Variants in UCK2 observed in about 807,000 individuals in gnomAD.
UCK2 encodes uridine-cytidine kinase 2.
Under a neutral mutation model 30.8 loss-of-function variants are expected in UCK2, and 6 were observed. The ratio of observed to expected loss-of-function variants is 0.19; its 90% CI spans 0.11 to 0.38. The LOEUF is 0.38. Ranked by LOEUF, UCK2 falls within the 10% of genes least tolerant of loss-of-function variation. The pLI, the probability that UCK2 is intolerant of heterozygous loss-of-function variation, is 1.00. For missense variants in UCK2, 210 were observed against 339.8 expected (o/e 0.62, Z 3.00); for synonymous variants, 125 against 133.6 (o/e 0.94, Z 0.45).
intron 1 of UCK2, among the ~76,000 whole-genome samples, chr1:165,878,238 A>G (rs1290773670): frequency 1.3e-5 from 2 of 151,958 alleles, no homozygotes. Context: ...GAAATCATAC[A>G]TTATGTGACC....
intron 1 of UCK2, among the ~76,000 whole-genome samples, chr1:165,868,521 AT>A (rs1271238250): frequency 6.6e-6 from 1 of 152,238 alleles, no homozygotes; most frequent in Admixed American, 6.5e-5. Context: ...CAGCTTCTAC[AT>A]CAGCACTTGC....
At chr1:165,853,175 C>CAAA (rs1373354419) in intron 1 of UCK2, among the ~76,000 whole-genome samples, 1 of 152,154 alleles carries the variant, frequency 6.6e-6, no homozygotes, top group Non-Finnish European at 1.5e-5. Flanking sequence ...AGAGGCCCCA[C>CAAA]AAAGAGCTGA....
chr1:165,884,824 C>T (rs764602774), intron 1 of UCK2, among the ~76,000 whole-genome samples: 2 of 152,188 alleles, frequency 1.3e-5, no homozygotes, highest in Admixed American at 6.5e-5. Context: ...AACTGCCAGC[C>T]GAAGGGGCCT....
At chr1:165,828,107 G>A (rs1255576026) in intron 1 of UCK2, among the ~76,000 whole-genome samples, 175 bp downstream of exon 1, 1 of 151,066 alleles carries the variant, frequency 6.6e-6, no homozygotes, top group African/African-American at 2.4e-5. Flanking sequence ...GCGCTGCGGC[G>A]GGGGCAGGCG....
intron 2 of UCK2, 52 bp downstream of exon 2, chr1:165,890,415 A>G (rs1333054180): frequency 1.3e-6 from 2 of 1,576,708 alleles, no homozygotes; most frequent in Non-Finnish European, 1.7e-6. Flanking sequence ...GTTGGGGGGA[A>G]TAGTTTTATT....
intron 1 of UCK2, among the ~76,000 whole-genome samples, chr1:165,868,497 T>G (rs1655108520): frequency 6.6e-6 from 1 of 152,258 alleles, no homozygotes; most frequent in Non-Finnish European, 1.5e-5. Context: ...CTAGATCTTC[T>G]GGATAACTTG....
At chr1:165,906,621 G>A (rs1647670118) in intron 6 of UCK2, among the ~76,000 whole-genome samples, 1 of 152,218 alleles carries the variant, frequency 6.6e-6, no homozygotes, top group Non-Finnish European at 1.5e-5. Flanking sequence ...TTCCATCTCA[G>A]CCTCCCAAAG....
intron 1 of UCK2, among the ~76,000 whole-genome samples, chr1:165,889,572 C>T (rs893803777): frequency 6.6e-6 from 1 of 152,058 alleles, no homozygotes; most frequent in African/African-American, 2.4e-5. Context: ...CCTTCCCCCA[C>T]CATCACTGCA....
At chr1:165,858,179 A>G (rs533864623) in intron 1 of UCK2, among the ~76,000 whole-genome samples, 172 of 152,320 alleles carry the variant, frequency 1.1e-3, no homozygotes, top group African/African-American at 4.0e-3. Context: ...ATGCATCTTA[A>G]AGATTGATAG....
intron 1 of UCK2, among the ~76,000 whole-genome samples, chr1:165,883,762 G>A (rs1655555109): frequency 6.6e-6 from 1 of 152,132 alleles, no homozygotes; most frequent in Non-Finnish European, 1.5e-5. Flanking sequence ...TGCTGTGGAA[G>A]CTTTGTTCTT....
intron 1 of UCK2, among the ~76,000 whole-genome samples, chr1:165,859,401 C>T (rs1449316736): frequency 6.6e-6 from 1 of 152,202 alleles, no homozygotes; most frequent in East Asian, 1.9e-4. Context: ...TTAACCTTAA[C>T]TGAACCCCTT....
At position 165,909,448 on chromosome 1, in the gene UCK2, A is replaced by G. The variant is rs926956571; in HGVS notation, c.*1625A>G. ...CCATTCAGGTAAATTGGTCTCCATT[A>G]TTACCTGGTCACACCAGATTTTCCC... On this transcript the variant is annotated 3_prime_UTR_variant, in exon 7 of 7. Coordinates refer to ENST00000367879, the MANE Select transcript of UCK2 (RefSeq NM_012474.5). 2 of 152,138 alleles carry G rather than the reference A, an allele frequency of 1.3e-5. No homozygotes were observed. Among genetic ancestry groups the G allele is most frequent in the African/African-American group, 4.8e-5 (2 of 41,436 alleles). 9.4% of individuals were successfully genotyped at this position (152,138 alleles called of 1,614,324 possible).
chr1:165,891,341 G>T lies in UCK2; in HGVS notation c.356+19G>T. On this transcript the variant is annotated intron_variant, in intron 3 of 6. Transcript: ENST00000367879. ...ATTCCCGGTAAGTGAGCTGTTCTGG[G>T]CCAGGGATGGCACCCACTGCTCCGC... 3.7e-6 allele frequency: 6 copies of T among 1,608,062 alleles called. No homozygotes were observed. Among genetic ancestry groups the T allele is most frequent in the Non-Finnish European group, 5.1e-6 (6 of 1,174,546 alleles).
intron 6 of UCK2, among the ~76,000 whole-genome samples, chr1:165,906,806 T>TA (rs1204437001): frequency 3.3e-5 from 5 of 152,262 alleles, no homozygotes; most frequent in Admixed American, 2.0e-4. Context: ...TCCCTCCATT[T>TA]AAAAAGATTA....
At chr1:165,890,180 G>C (rs1655730686) in intron 1 of UCK2, 24 bp from the exon 2 acceptor site, 1 of 1,612,810 alleles carries the variant, frequency 6.2e-7, no homozygotes, top group South Asian at 1.1e-5. Flanking sequence ...TCTTATTCCT[G>C]GGTGCTCTCT....
chr1:165,862,216 A>G (rs1335022894), intron 1 of UCK2, among the ~76,000 whole-genome samples: 2 of 152,118 alleles, frequency 1.3e-5, no homozygotes, highest in Non-Finnish European at 2.9e-5. Flanking sequence ...GTAGTCTCAG[A>G]TGATAAACTT....
intron 1 of UCK2, among the ~76,000 whole-genome samples, chr1:165,851,777 G>A (rs117153797): frequency 6.6e-6 from 1 of 152,258 alleles, no homozygotes; most frequent in East Asian, 1.9e-4. Context: ...CCTGGTGTGT[G>A]TTTCCCTCTC....
At position 165,905,533 on chromosome 1, in the gene UCK2, G is replaced by C. The variant is rs556325051; in HGVS notation, c.598-388G>C. Among the ~76,000 whole-genome samples, 6 of 152,210 alleles carry C rather than the reference G, an allele frequency of 3.9e-5. No homozygotes were observed. The South Asian group carries it at 1.2e-3, about 32-fold the overall frequency. On this transcript the variant is annotated intron_variant, in intron 5 of 6. Transcript: ENST00000367879. ...GAATTTGAATAAAAGCTAAATTCTT[G>C]TAATGTAGATAAAGTGGATAAAAAT...
chr1:165,830,228 G>A (rs1227538433), intron 1 of UCK2, among the ~76,000 whole-genome samples: 2 of 151,348 alleles, frequency 1.3e-5, no homozygotes, highest in Non-Finnish European at 3.0e-5. Flanking sequence ...GATCTCAAAT[G>A]CCTAGACTTA....
Sources: allele counts gnomAD v4.1 joint callset (sites outside exome capture counted in the v4.1 genomes callset), GRCh38; gene constraint gnomAD v4.1.1; transcripts MANE v1.5; gene names NCBI Gene and HGNC (gene_info 2026-07-23, HGNC 2026-07-21).